The following PPP6R3 variants were observed in gnomAD, a reference collection of about 807,000 sequenced individuals.
PPP6R3 encodes protein phosphatase 6 regulatory subunit 3, also known as serine/threonine-protein phosphatase 6 regulatory subunit 3.
A neutral mutation model predicts 110.7 loss-of-function variants in PPP6R3; 38 were observed. The ratio of observed to expected loss-of-function variants is 0.34; its 90% confidence interval spans 0.26 to 0.45. The LOEUF (loss-of-function observed/expected upper bound fraction) is 0.45, where lower values mean the gene tolerates loss of function less well. Ranked by LOEUF, PPP6R3 falls within the 20% of genes least tolerant of loss-of-function variation. PPP6R3 has a pLI of 1.00. For missense variants in PPP6R3, 870 were observed against 1,062.4 expected (o/e 0.82, Z 2.52); for synonymous variants, 369 against 373.5 (o/e 0.99, Z 0.14).
intron 14 of PPP6R3, among the ~76,000 whole-genome samples, chr11:68,576,863 C>G (rs2099533641): frequency 6.6e-6 from 1 of 152,198 alleles, no homozygotes; most frequent in South Asian, 2.1e-4. Flanking sequence ...ATTCAATGAT[C>G]TGGCAGCCTG....
chr11:68,517,966 C>T (rs1224141898), intron 1 of PPP6R3, among the ~76,000 whole-genome samples: 2 of 151,046 alleles, frequency 1.3e-5, no homozygotes, highest in Non-Finnish European at 3.0e-5. Context: ...TAATAAAATA[C>T]GAATCTATGA....
intron 2 of PPP6R3, 77 bp from the exon 3 acceptor site, chr11:68,537,582 C>T: frequency 1.0e-6 from 1 of 1,002,928 alleles, no homozygotes; most frequent in Non-Finnish European, 1.4e-6. Flanking sequence ...GATTGTAAAA[C>T]TGAACTGAAA....
intron 1 of PPP6R3, among the ~76,000 whole-genome samples, chr11:68,518,412 C>T (rs1283318508): frequency 1.3e-5 from 2 of 152,076 alleles, no homozygotes; most frequent in South Asian, 2.1e-4. Context: ...TGGAAAAAAA[C>T]GTTGAACTGT....
chr11:68,602,032 G>T, intron 21 of PPP6R3, 63 bp downstream of exon 21: 1 of 1,337,906 alleles, frequency 7.5e-7, no homozygotes. Flanking sequence ...AACCAGACCT[G>T]ATTCTCAGGC....
At chr11:68,607,321 G>A (rs1314538567) in intron 22 of PPP6R3, among the ~76,000 whole-genome samples, 1 of 152,228 alleles carries the variant, frequency 6.6e-6, no homozygotes, top group Non-Finnish European at 1.5e-5. Context: ...ACAGGTGTCA[G>A]TGTGATGAAA....
chr11:68,474,678 C>G (rs2098815745), intron 1 of PPP6R3, among the ~76,000 whole-genome samples: 1 of 152,058 alleles, frequency 6.6e-6, no homozygotes, highest in African/African-American at 2.4e-5. Flanking sequence ...CTGGTAAGAC[C>G]ATTGGGGCCT....
At chr11:68,489,204 A>G (rs1249002809) in intron 1 of PPP6R3, among the ~76,000 whole-genome samples, 1 of 151,962 alleles carries the variant, frequency 6.6e-6, no homozygotes, top group Admixed American at 6.6e-5. Flanking sequence ...TATTTTTAGT[A>G]GAGACGGGGT....
intron 7 of PPP6R3, among the ~76,000 whole-genome samples, chr11:68,556,899 T>G (rs1215259991): frequency 6.6e-6 from 1 of 152,262 alleles, no homozygotes; most frequent in Admixed American, 6.5e-5. Context: ...GTTTTTCTTG[T>G]CCATTAGTAG....
intron 18 of PPP6R3, among the ~76,000 whole-genome samples, chr11:68,592,447 C>T (rs1358728878): frequency 6.6e-6 from 1 of 152,214 alleles, no homozygotes; most frequent in Non-Finnish European, 1.5e-5. Flanking sequence ...CTCATCCCTT[C>T]TTCCAGCCGT....
chr11:68,480,189 C>A (rs1484732350), intron 1 of PPP6R3, among the ~76,000 whole-genome samples: 2 of 152,084 alleles, frequency 1.3e-5, no homozygotes, highest in Non-Finnish European at 2.9e-5. Context: ...ACCATATATT[C>A]TGTAGGTAAT....
At chr11:68,569,495 T>C (rs546640100) in intron 10 of PPP6R3, among the ~76,000 whole-genome samples, 8 of 152,358 alleles carry the variant, frequency 5.3e-5, no homozygotes, top group African/African-American at 1.9e-4. Context: ...GAATGTCATC[T>C]CTTGGATTAG....
rs150160146 is a variant in PPP6R3, at chr11:68,476,550, G to A, written c.-158+15723G>A. ...TTTCAACCTTTTTATATACTTATAT[G>A]TACATACATATCTAAATAAAGTAGT... On this transcript the variant is annotated intron_variant, in intron 1 of 23. Coordinates refer to ENST00000393800, the MANE Select transcript of PPP6R3 (RefSeq NM_001164161.2). Among the ~76,000 whole-genome samples, 1,041 of 152,194 alleles carry A rather than the reference G, an allele frequency of 6.8e-3. 7 individuals are homozygous for A. The highest frequency in any genetic ancestry group is 0.011 in the Admixed American group (171 of 15,284).
chr11:68,524,146 G>A (rs574936094), intron 2 of PPP6R3, among the ~76,000 whole-genome samples: 110 of 152,214 alleles, frequency 7.2e-4, no homozygotes, highest in Non-Finnish European at 1.1e-3. Context: ...TTGCCAGGGC[G>A]CCTCCAATTG....
intron 18 of PPP6R3, among the ~76,000 whole-genome samples, chr11:68,593,737 G>A (rs1332046929): frequency 2.6e-5 from 4 of 152,164 alleles, no homozygotes; most frequent in Non-Finnish European, 5.9e-5. Flanking sequence ...GACAGAGATT[G>A]GCTGGGCACA....
chr11:68,547,927 C>T, intron 4 of PPP6R3, 140 bp from the exon 5 acceptor site: 1 of 835,478 alleles, frequency 1.2e-6, no homozygotes, highest in South Asian at 2.3e-5. Context: ...CAATTTGATA[C>T]CTTGTTGCTA....
chr11:68,475,430 A>G (rs1357937507), intron 1 of PPP6R3, among the ~76,000 whole-genome samples: 2 of 152,044 alleles, frequency 1.3e-5, no homozygotes, highest in Non-Finnish European at 2.9e-5. Context: ...GCTGTTGGGT[A>G]CACCTCCCAG....
chr11:68,502,980 G>T (rs1471087949), intron 1 of PPP6R3, among the ~76,000 whole-genome samples: 2 of 152,200 alleles, frequency 1.3e-5, no homozygotes, highest in Non-Finnish European at 2.9e-5. Flanking sequence ...GTCTCACTCT[G>T]TTGCCCAGGC....
intron 16 of PPP6R3, among the ~76,000 whole-genome samples, chr11:68,590,049 A>G (rs1170665704): frequency 1.3e-5 from 2 of 152,204 alleles, no homozygotes; most frequent in African/African-American, 4.8e-5. Flanking sequence ...CTTCCTAGTT[A>G]GGATCTGTAA....
chr11:68,480,176 C>T (rs552556021), intron 1 of PPP6R3, among the ~76,000 whole-genome samples: 8 of 152,206 alleles, frequency 5.3e-5, no homozygotes, highest in East Asian at 1.9e-4. Context: ...TTCAGCTATA[C>T]GGACCATATA....
Sources: gnomAD v4.1 joint callset for allele counts (sites outside exome capture counted in the v4.1 genomes callset) on GRCh38, gnomAD v4.1.1 for gene constraint, MANE v1.5 for transcripts, NCBI Gene and HGNC (gene_info 2026-07-23, HGNC 2026-07-21) for gene names.